Variants in LAIR1 observed in about 807,000 individuals in gnomAD.
LAIR1 encodes the protein leukocyte-associated immunoglobulin-like receptor 1.
In LAIR1, 24 loss-of-function variants were observed where a neutral mutation model predicts 32.8. The ratio of observed to expected loss-of-function variants is 0.73; its 90% CI spans 0.53 to 1.03. The LOEUF (loss-of-function observed/expected upper bound fraction) is 1.03, where lower values mean the gene tolerates loss of function less well. Among genes scored for constraint, LAIR1 ranks in the 50% least tolerant of loss-of-function variants. The pLI, the probability that LAIR1 is intolerant of heterozygous loss-of-function variation, is 0.00. For missense variants in LAIR1, 355 were observed against 347.5 expected (o/e 1.02, Z -0.17); for synonymous variants, 150 against 140.5 (o/e 1.07, Z -0.48).
In LAIR1 at chr19:54,355,474, GGGGA is replaced by G; in HGVS notation, c.718-64_718-61del. 1 of 1,470,330 alleles carries G rather than the reference GGGGA, an allele frequency of 6.8e-7. No individual in the cohort carries two copies. The highest frequency in any genetic ancestry group is 1.4e-5 in the African/African-American group (1 of 70,998). The allele number at this position is 1,470,330 out of a possible 1,614,324, so 91.1% of individuals were successfully genotyped here. A position where few individuals can be genotyped will look rare whatever the true frequency, so the allele number is the denominator to read the frequency against. On this transcript the variant is annotated intron_variant, in intron 9 of 9. Transcript: ENST00000391742. The surrounding 1 kb of genome is among the most constrained non-coding windows in gnomAD (Gnocchi z 4.7). ...GGTGGAGGGTGAGACGAGGGGCTGT[GGGGA>G]GGGAGGGCTGTGGCGGCCATCTCCA...
chr19:54,373,168 T>C (rs754330826), upstream of LAIR1, among the ~76,000 whole-genome samples: 1 of 149,530 alleles, frequency 6.7e-6, no homozygotes, highest in South Asian at 2.2e-4. Context: ...CCAGTCCTGG[T>C]GTGGTGGCTC....
At chr19:54,370,292 G>A in exon 1 of LAIR1, 2 of 1,543,898 alleles carry the variant, frequency 1.3e-6, no homozygotes, top group Non-Finnish European at 1.7e-6. Context: ...TGTCGCGGAT[G>A]CAACCCTGGA....
intron 3 of LAIR1, 57 bp downstream of exon 3, chr19:54,360,858 TG>T: frequency 6.5e-7 from 1 of 1,550,350 alleles, no homozygotes. Context: ...TCCAGGGACC[TG>T]GGGACAAGCT....
At chr19:54,375,158 C>T (rs529559030), upstream of LAIR1, among the ~76,000 whole-genome samples, 2 of 152,216 alleles carry the variant, frequency 1.3e-5, no homozygotes, top group Admixed American at 6.5e-5. Flanking sequence ...GCCGTCCCGC[C>T]GTCATCTCTG....
At chr19:54,357,097 G>A in intron 4 of LAIR1, 131 bp from the exon 5 acceptor site, 1 of 720,992 alleles carries the variant, frequency 1.4e-6, no homozygotes, top group East Asian at 2.8e-5. Flanking sequence ...CTCTAGACCA[G>A]CACCGACCAG....
At chr19:54,356,467 C>T in intron 6 of LAIR1, 24 bp downstream of exon 6, 1 of 1,613,224 alleles carries the variant, frequency 6.2e-7, no homozygotes, top group Non-Finnish European at 8.5e-7. Flanking sequence ...TCCCAGGTCA[C>T]CCCACCCTGC....
intron 8 of LAIR1, 101 bp downstream of exon 8, chr19:54,356,129 T>C: frequency 2.9e-6 from 4 of 1,363,698 alleles, no homozygotes; most frequent in Non-Finnish European, 4.2e-6. Flanking sequence ...CCTTCTAGAA[T>C]GTTCCCAAAG....
At chr19:54,370,346 C>A in exon 1 of LAIR1, 1 of 1,350,296 alleles carries the variant, frequency 7.4e-7, no homozygotes, top group Non-Finnish European at 1.0e-6. Flanking sequence ...GATTCCCGAC[C>A]TGTGCCTGGC....
chr19:54,352,441 G>A lies in LAIR1; in HGVS notation c.*2827C>T, dbSNP rs2081550130. ...ATGTTCCCAGATCTCACCACCCTGAGTTCTGGCCCCTGCGTTGGGCGGGTT... is the reference window on the plus strand; with the variant it reads ...ATGTTCCCAGATCTCACCACCCTGAATTCTGGCCCCTGCGTTGGGCGGGTT... On this transcript the variant is annotated 3_prime_UTR_variant, in exon 10 of 10. Coordinates refer to ENST00000391742, the MANE Select transcript of LAIR1 (RefSeq NM_002287.6). The A allele has an allele frequency of 6.5e-6, 1 of 153,768 alleles. No homozygotes were observed. The highest frequency in any genetic ancestry group is 1.5e-5 in the Non-Finnish European group (1 of 68,080). 9.5% of individuals were successfully genotyped at this position (153,768 alleles called of 1,614,324 possible). A position where few individuals can be genotyped will look rare whatever the true frequency, so the allele number is the denominator to read the frequency against.
chr19:54,356,274 G>A lies in LAIR1; in HGVS notation c.627-7C>T, dbSNP rs2081699223. ...ATCAACAGCCAGGTCAGGCCTAAGA[G>A]GAAAAATAAAAGTGAACCTCAGGGG... On this transcript the variant is annotated splice_polypyrimidine_tract_variant and splice_region_variant and intron_variant, in intron 7 of 9. Coordinates refer to ENST00000391742, the MANE Select transcript of LAIR1 (RefSeq NM_002287.6). 1 of 1,613,248 alleles carries A rather than the reference G, an allele frequency of 6.2e-7. No homozygotes were observed. Among genetic ancestry groups the A allele is most frequent in the Non-Finnish European group, 8.5e-7 (1 of 1,179,728 alleles).
upstream of LAIR1, among the ~76,000 whole-genome samples, chr19:54,371,210 A>G (rs2122658317): frequency 6.6e-6 from 1 of 151,254 alleles, no homozygotes; most frequent in South Asian, 2.1e-4. Flanking sequence ...TTATATTCAA[A>G]TTTCCCTTGC....
chr19:54,373,016 G>C (rs1375054572), upstream of LAIR1, among the ~76,000 whole-genome samples: 1 of 150,892 alleles, frequency 6.6e-6, no homozygotes, highest in Non-Finnish European at 1.5e-5. Flanking sequence ...TGTAATCCCA[G>C]CTGCTTGGGA....
chr19:54,364,829 T>G lies in LAIR1; in HGVS notation c.-25A>C, dbSNP rs374283827. The G allele has an allele frequency of 6.2e-7, 1 of 1,614,122 alleles. No individual in the cohort carries two copies. Among genetic ancestry groups the G allele is most frequent in the East Asian group, 2.2e-5 (1 of 44,886 alleles). On this transcript the variant is annotated 5_prime_UTR_variant, in exon 1 of 10. Transcript: ENST00000391742. This position sits in a 1 kb window ranked among gnomAD's most constrained non-coding sequence, Gnocchi z 4.8. ...TGGCCCAGGTCCCAGCAGTGCAGCC[T>G]GGCCTGAGGCGCACCAATGCAAGGA...
the LAIR1 span, among the ~76,000 whole-genome samples, chr19:54,376,027 G>A: frequency 6.6e-6 from 1 of 151,528 alleles, no homozygotes; most frequent in African/African-American, 2.4e-5. Context: ...CCAACTTTGG[G>A]GTCCAACCTC....
chr19:54,366,452 C>T (rs929218813), upstream of LAIR1, among the ~76,000 whole-genome samples: 6 of 152,120 alleles, frequency 3.9e-5, no homozygotes, highest in Non-Finnish European at 7.4e-5. Flanking sequence ...TCTGTCCATG[C>T]CCTAGAGATA....
At chr19:54,375,118 G>A (rs541177216), upstream of LAIR1, among the ~76,000 whole-genome samples, 9 of 152,324 alleles carry the variant, frequency 5.9e-5, no homozygotes, top group South Asian at 1.9e-3. Context: ...CCCAGCCTGG[G>A]CTGCGAAGCC....
At chr19:54,372,343 G>A (rs557202358), upstream of LAIR1, among the ~76,000 whole-genome samples, 6 of 151,434 alleles carry the variant, frequency 4.0e-5, no homozygotes, top group South Asian at 2.1e-4. Flanking sequence ...TAGGTGTGTC[G>A]TGGTAACTTG....
chr19:54,364,159 A>G lies in LAIR1; in HGVS notation c.70+136T>C, dbSNP rs930194869. ...GGTGAGGGTTGGTTATGCATTTTAC[A>G]TTTGGAAGAGTTTGCAATCTAGGGT... is the stretch of plus-strand genomic sequence containing the variant. On this transcript the variant is annotated intron_variant, in intron 2 of 9. Coordinates refer to ENST00000391742, the MANE Select transcript of LAIR1 (RefSeq NM_002287.6). This position sits in a 1 kb window ranked among gnomAD's most constrained non-coding sequence, Gnocchi z 4.8. 3.3e-4 allele frequency: 359 copies of G among 1,073,914 alleles called. 1 individual carries two copies. Among genetic ancestry groups the G allele is most frequent in the Non-Finnish European group, 6.8e-5 (49 of 722,682 alleles). The allele number at this position is 1,073,914 out of a possible 1,614,324, so 66.5% of individuals were successfully genotyped here.
chr19:54,371,904 C>T (rs868490485), upstream of LAIR1, among the ~76,000 whole-genome samples: 11 of 151,698 alleles, frequency 7.3e-5, 2 homozygotes, highest in African/African-American at 2.2e-4. Flanking sequence ...ACAGTGGATA[C>T]GCCATTTGGG....
Sources: allele counts gnomAD v4.1 joint callset (sites outside exome capture counted in the v4.1 genomes callset), GRCh38; gene constraint gnomAD v4.1.1; non-coding constraint Gnocchi (gnomAD v3.1); transcripts MANE v1.5; gene names NCBI Gene and HGNC (gene_info 2026-07-23, HGNC 2026-07-21).